Variants in ARNT2 observed in about 807,000 individuals in gnomAD.
ARNT2 encodes the protein aryl hydrocarbon receptor nuclear translocator 2.
Under a neutral mutation model 91.7 loss-of-function variants are expected in ARNT2, and 36 were observed. The observed-to-expected ratio is 0.39, with a 90% CI of 0.30 to 0.52. ARNT2 has a LOEUF of 0.52. Among genes scored for constraint, ARNT2 ranks in the 20% least tolerant of loss-of-function variants. The pLI, the probability that ARNT2 is intolerant of heterozygous loss-of-function variation, is 0.72. For missense variants in ARNT2, 775 were observed against 939.3 expected, an observed-to-expected ratio of 0.83 and a Z score of 2.29; for synonymous variants, 365 against 347.1, an observed-to-expected ratio of 1.05 and a Z score of -0.57.
intron 1 of ARNT2, among the ~76,000 whole-genome samples, chr15:80,422,642 G>A (rs1281209594): frequency 6.6e-6 from 1 of 152,192 alleles, no homozygotes; most frequent in African/African-American, 2.4e-5. Flanking sequence ...CAAGAATAAA[G>A]ATAAACATGC....
chr15:80,426,871 T>C (rs1312234761), intron 1 of ARNT2, among the ~76,000 whole-genome samples: 1 of 152,204 alleles, frequency 6.6e-6, no homozygotes, highest in African/African-American at 2.4e-5. Context: ...TAGGGCTCTC[T>C]TCCTGGCTTG....
At chr15:80,582,574 C>T (rs1898819200) in intron 17 of ARNT2, among the ~76,000 whole-genome samples, 1 of 152,108 alleles carries the variant, frequency 6.6e-6, no homozygotes, top group Non-Finnish European at 1.5e-5. Context: ...CCAGCCCTCC[C>T]CACCTCCTCC....
chr15:80,408,585 T>G (rs1230599998), intron 1 of ARNT2, among the ~76,000 whole-genome samples: 1 of 152,172 alleles, frequency 6.6e-6, no homozygotes, highest in Non-Finnish European at 1.5e-5. Flanking sequence ...CCCAAGAATG[T>G]GGGTAGGTTT....
At chr15:80,518,479 C>T (rs530337805) in intron 8 of ARNT2, among the ~76,000 whole-genome samples, 2 of 152,094 alleles carry the variant, frequency 1.3e-5, no homozygotes, top group Admixed American at 6.6e-5. Context: ...TGGGGTTTCA[C>T]CATGTTGGCC....
intron 1 of ARNT2, among the ~76,000 whole-genome samples, chr15:80,430,270 T>C (rs1400969371): frequency 6.6e-6 from 1 of 152,042 alleles, no homozygotes; most frequent in Non-Finnish European, 1.5e-5. Context: ...ATCTCTGTGG[T>C]CTCCCCACTT....
At chr15:80,560,560 C>G (rs1177457491) in intron 11 of ARNT2, among the ~76,000 whole-genome samples, 1 of 152,162 alleles carries the variant, frequency 6.6e-6, no homozygotes, top group African/African-American at 2.4e-5. Context: ...TTGCATGGAG[C>G]TAACAAATTT....
intron 1 of ARNT2, among the ~76,000 whole-genome samples, chr15:80,428,574 A>G (rs1224497907): frequency 6.6e-6 from 1 of 152,240 alleles, no homozygotes; most frequent in Non-Finnish European, 1.5e-5. Context: ...AAGGAGGGCC[A>G]AGATCACAAG....
chr15:80,576,954 G>T lies in ARNT2; in HGVS notation c.1602G>T (p.Gly534=). Residue 534 remains glycine, a synonymous_variant, in exon 15 of 19, where the codon GGG becomes GGT. Transcript: ENST00000303329. ...QGSPFPSGHS[G]KAFSSSVVHV... ...GCCCATTTCCCTCTGGACACTCCGG[G>T]AAGGCCTTCAGGTATGTGCCAGCGA... 1.9e-6 allele frequency: 3 copies of T among 1,614,038 alleles called. No individual in the cohort carries two copies. Among genetic ancestry groups the T allele is most frequent in the Non-Finnish European group, 2.5e-6 (3 of 1,180,018 alleles).
chr15:80,495,859 A>G (rs1465823691), intron 5 of ARNT2, among the ~76,000 whole-genome samples: 1 of 152,146 alleles, frequency 6.6e-6, no homozygotes, highest in East Asian at 1.9e-4. Context: ...TATCCCTTGC[A>G]GCTCCATCTC....
At chr15:80,562,784 G>T in intron 11 of ARNT2, 1 of 384,970 alleles carries the variant, frequency 2.6e-6, no homozygotes, top group Non-Finnish European at 4.8e-6. Context: ...GGCTTGCAGA[G>T]TTTTCATGAT....
intron 1 of ARNT2, among the ~76,000 whole-genome samples, chr15:80,407,220 C>A (rs559502172): frequency 6.6e-6 from 1 of 152,312 alleles, no homozygotes; most frequent in East Asian, 1.9e-4. Context: ...CCAGTCACCT[C>A]CCCACGCCCC....
chr15:80,445,333 G>A (rs1418389236), intron 1 of ARNT2, among the ~76,000 whole-genome samples: 1 of 150,788 alleles, frequency 6.6e-6, no homozygotes, highest in Non-Finnish European at 1.5e-5. Flanking sequence ...TGTGGTGTGA[G>A]TGGTGTGTTT....
At chr15:80,453,044 C>T (rs534007967) in intron 2 of ARNT2, among the ~76,000 whole-genome samples, 22 of 152,290 alleles carry the variant, frequency 1.4e-4, no homozygotes, top group Middle Eastern at 6.8e-3. Flanking sequence ...AGTGTTGGGA[C>T]GACAGGCATG....
At chr15:80,559,218 G>C (rs1898268199) in intron 11 of ARNT2, among the ~76,000 whole-genome samples, 1 of 152,216 alleles carries the variant, frequency 6.6e-6, no homozygotes, top group Non-Finnish European at 1.5e-5. Context: ...TTTAACATCT[G>C]ATCCCACCCT....
At chr15:80,553,084 A>G (rs549824327) in intron 10 of ARNT2, among the ~76,000 whole-genome samples, 3 of 152,336 alleles carry the variant, frequency 2.0e-5, no homozygotes, top group East Asian at 3.9e-4. Context: ...TACAAAGCTC[A>G]TTAATGTGGA....
At chr15:80,514,453 A>G in intron 8 of ARNT2, 48 bp downstream of exon 8, 1 of 1,523,390 alleles carries the variant, frequency 6.6e-7, no homozygotes, top group Non-Finnish European at 9.1e-7. Context: ...TGCTGCTCAT[A>G]CCTGACCATG....
At chr15:80,517,110 T>G (rs2141430704) in intron 8 of ARNT2, among the ~76,000 whole-genome samples, 1 of 152,120 alleles carries the variant, frequency 6.6e-6, no homozygotes, top group South Asian at 2.1e-4. Context: ...AGGAACTTAT[T>G]TTAGTATTTC....
At chr15:80,476,238 C>T (rs1456250669) in intron 5 of ARNT2, among the ~76,000 whole-genome samples, 1 of 152,190 alleles carries the variant, frequency 6.6e-6, no homozygotes, top group Non-Finnish European at 1.5e-5. Context: ...AGAGTTTTAA[C>T]TCCAAATGTG....
chr15:80,420,616 CAT>C (rs1895848484), intron 1 of ARNT2, among the ~76,000 whole-genome samples: 2 of 151,426 alleles, frequency 1.3e-5, no homozygotes, highest in African/African-American at 4.8e-5. Flanking sequence ...ATATTATGAA[CAT>C]ATGAATATAT....
Sources: gnomAD v4.1 joint callset for allele counts (sites outside exome capture counted in the v4.1 genomes callset) on GRCh38, gnomAD v4.1.1 for gene constraint, MANE v1.5 for transcripts, NCBI Gene and HGNC (gene_info 2026-07-23, HGNC 2026-07-21) for gene names.